The following ZNF141 variants were observed in gnomAD, a reference collection of about 807,000 sequenced individuals.
ZNF141 encodes zinc finger protein 141 (clone pHZ-44).
ZNF141 carries 7 observed loss-of-function variants against 11.3 expected under a neutral mutation model. That is an observed-to-expected ratio of 0.62 (90% CI 0.35 to 1.16). ZNF141 has a LOEUF of 1.16. Among genes scored for constraint, ZNF141 ranks in the 50% most tolerant of loss-of-function variants. The pLI, the probability that ZNF141 is intolerant of heterozygous loss-of-function variation, is 0.02. For synonymous variants in ZNF141, 183 were observed against 190.7 expected, an observed-to-expected ratio of 0.96 and a Z score of 0.33; for missense variants, 535 against 554.0, an observed-to-expected ratio of 0.97 and a Z score of 0.34.
intron 3 of ZNF141, 52 bp from the exon 4 acceptor site, chr4:372,612 T>A (rs184679082): frequency 7.3e-7 from 1 of 1,373,300 alleles, no homozygotes; most frequent in Non-Finnish European, 9.8e-7. Flanking sequence ...TTGTAAAGTA[T>A]ATTTATATGA....
At chr4:343,124 G>T (rs957811368) in intron 1 of ZNF141, among the ~76,000 whole-genome samples, 1 of 152,090 alleles carries the variant, frequency 6.6e-6, no homozygotes, top group Non-Finnish European at 1.5e-5. Flanking sequence ...TCAGTTCCTT[G>T]CATGATTCTA....
At position 378,586 on chromosome 4, in the gene ZNF141, G is replaced by T. The variant is rs576239464; in HGVS notation, c.*4724G>T. 1.3e-5 allele frequency among the ~76,000 whole-genome samples: 2 copies of T among 152,196 alleles called. No individual in the cohort carries two copies. Among genetic ancestry groups the T allele is most frequent in the South Asian group, 4.2e-4 (2 of 4,818 alleles). On this transcript the variant is annotated 3_prime_UTR_variant, in exon 4 of 4. Transcript: ENST00000240499. Reference sequence around the variant, plus strand: ...CCTGGCCAGAATATTATATCTTTGAGTGTGAATGTTAAATGGTGGAAAAAC... The same window carrying T: ...CCTGGCCAGAATATTATATCTTTGATTGTGAATGTTAAATGGTGGAAAAAC...
Position 382,167 on chromosome 4 carries a change from T to C in ZNF141, c.*8305T>C, listed in dbSNP as rs1371339790. Among the ~76,000 whole-genome samples the C allele has an allele frequency of 6.6e-6, 1 of 151,834 alleles. No homozygotes were observed. The highest frequency in any genetic ancestry group is 2.4e-5 in the African/African-American group (1 of 41,308). On this transcript the variant is annotated 3_prime_UTR_variant, in exon 4 of 4. Transcript: ENST00000240499. ...TTCACCATGTTAGCCAACAAGGTCT[T>C]GATTTCCTGACCTCGTGATCCGCCT...
chr4:373,497 C>G lies in ZNF141; in HGVS notation c.1060C>G (p.Leu354Val), dbSNP rs782278403. 2.5e-6 allele frequency: 4 copies of G among 1,613,726 alleles called. No individual in the cohort carries two copies. The highest frequency in any genetic ancestry group is 1.3e-5 in the African/African-American group (1 of 74,852). ...CGKAFRQSSK[L>V]NEHKKVHTGE... The stretch of plus-strand genomic sequence containing the variant: ...CAAAGCTTTTAGACAGTCCTCAAAA[C>G]TGAATGAACATAAGAAAGTTCATAC... Residue 354 changes from leucine (L) to valine (V), a missense_variant, in exon 4 of 4, where the codon CTG (leucine) becomes GTG (valine). Physicochemically the swap from Leu to Val is conservative, Grantham distance 32. Coordinates refer to ENST00000240499, the MANE Select transcript of ZNF141 (RefSeq NM_003441.4).
At position 351,358 on chromosome 4, in the gene ZNF141, C is replaced by T. The variant is rs144923226; in HGVS notation, c.226+6928C>T. Among the ~76,000 whole-genome samples the T allele has an allele frequency of 5.9e-3, 894 of 151,806 alleles. 14 individuals are homozygous for T. In the South Asian group the frequency reaches 0.062, roughly 11 times the overall value. Reference sequence around the variant, plus strand: ...AACTTATTCTCCTGCCTCAGCCTCCCGAGTAGCTGGGACTACAGGTGCCTG... The same window carrying T: ...AACTTATTCTCCTGCCTCAGCCTCCTGAGTAGCTGGGACTACAGGTGCCTG... On this transcript the variant is annotated intron_variant, in intron 3 of 3. Transcript: ENST00000240499.
intron 3 of ZNF141, among the ~76,000 whole-genome samples, chr4:349,944 TC>T (rs1201370183): frequency 6.6e-6 from 1 of 152,174 alleles, no homozygotes; most frequent in Non-Finnish European, 1.5e-5. Context: ...TCTCTTTGGG[TC>T]CCTGATTGTG....
At position 373,428 on chromosome 4, in the gene ZNF141, A is replaced by G. The variant is rs782112406; in HGVS notation, c.991A>G (p.Arg331Gly). ...NRSTTLTKHKRIHTGEKPYTC... is the reference protein window; with the variant it reads ...NRSTTLTKHKGIHTGEKPYTC... ...GTCCACAACCCTTACTAAACATAAG[A>G]GAATTCATACTGGAGAGAAACCCTA... Residue 331 changes from arginine to glycine, a missense_variant, in exon 4 of 4, where the codon AGA becomes GGA. By Grantham distance (125) the Arg-to-Gly change is moderately radical (BLOSUM62 -2). Transcript: ENST00000240499. The G allele has an allele frequency of 8.7e-6, 14 of 1,613,808 alleles. No individual in the cohort carries two copies. Among genetic ancestry groups the G allele is most frequent in the Non-Finnish European group, 1.2e-5 (14 of 1,179,958 alleles).
At position 384,303 on chromosome 4, in the gene ZNF141, T is replaced by A. The variant is rs1553856117; in HGVS notation, c.*10441T>A. ...CTCTTCCTGTGGACCCATCATTCCT[T>A]GTTTACCATCTGATATTTGAAAAGA... On this transcript the variant is annotated 3_prime_UTR_variant, in exon 4 of 4. Coordinates refer to ENST00000240499, the MANE Select transcript of ZNF141 (RefSeq NM_003441.4). 6.6e-6 allele frequency: 1 copy of A among 152,264 alleles called. No individual in the cohort carries two copies. Among genetic ancestry groups the A allele is most frequent in the Non-Finnish European group, 1.5e-5 (1 of 68,086 alleles). The allele number at this position is 152,264 out of a possible 1,614,324, so 9.4% of individuals were successfully genotyped here.
chr4:351,198 C>T (rs1055592130), intron 3 of ZNF141, among the ~76,000 whole-genome samples: 58 of 151,610 alleles, frequency 3.8e-4, no homozygotes, highest in African/African-American at 1.2e-3. Flanking sequence ...AGCTGCTGTG[C>T]TTCCTGTACA....
At position 376,247 on chromosome 4, in the gene ZNF141, G is replaced by T. The variant is rs1712359335; in HGVS notation, c.*2385G>T. Among the ~76,000 whole-genome samples, 1 of 151,978 alleles carries T rather than the reference G, an allele frequency of 6.6e-6. No homozygotes were observed. Among genetic ancestry groups the T allele is most frequent in the South Asian group, 2.1e-4 (1 of 4,830 alleles). Reference sequence around the variant, plus strand: ...ACATTTTTAGTATTCTCTTTTTCCAGTGGCTTTAAATAGCAAATACATTGA... The same window carrying T: ...ACATTTTTAGTATTCTCTTTTTCCATTGGCTTTAAATAGCAAATACATTGA... On this transcript the variant is annotated 3_prime_UTR_variant, in exon 4 of 4. Coordinates refer to ENST00000240499, the MANE Select transcript of ZNF141 (RefSeq NM_003441.4).
rs1712407225 is a variant in ZNF141 at position 377,091 on chromosome 4, TTTG to T, written c.*3235_*3237del. 6.6e-6 allele frequency among the ~76,000 whole-genome samples: 1 copy of T among 152,194 alleles called. No individual in the cohort carries two copies. Among genetic ancestry groups the T allele is most frequent in the Non-Finnish European group, 1.5e-5 (1 of 68,020 alleles). On this transcript the variant is annotated 3_prime_UTR_variant, in exon 4 of 4. Coordinates refer to ENST00000240499, the MANE Select transcript of ZNF141 (RefSeq NM_003441.4). Reference sequence around the variant, plus strand: ...AGTTATTTTAGTTAGAACATTTCATTTTGTTGTTTTAATTTAAGAACCCTATAT... The same window carrying T: ...AGTTATTTTAGTTAGAACATTTCATTTTGTTTTAATTTAAGAACCCTATAT...
At chr4:343,980 C>T in intron 2 of ZNF141, 72 bp downstream of exon 2, 1 of 1,545,920 alleles carries the variant, frequency 6.5e-7, no homozygotes, top group Non-Finnish European at 8.7e-7. Context: ...AGAATTTCTC[C>T]TGGGAACTTT....
At chr4:345,261 G>A (rs1402632973) in intron 3 of ZNF141, among the ~76,000 whole-genome samples, 2 of 151,866 alleles carry the variant, frequency 1.3e-5, no homozygotes, top group Non-Finnish European at 2.9e-5. Flanking sequence ...TTCTTACTTA[G>A]CAATTTTATC....
rs1712606383 is a variant in ZNF141, at chr4:381,376, T to C, written c.*7514T>C. ...AACTAAGAAAGAACCAAAAAGTTAC[T>C]ATTTAATACAGACTTCAAATGTGCT... On this transcript the variant is annotated 3_prime_UTR_variant, in exon 4 of 4. Coordinates refer to ENST00000240499, the MANE Select transcript of ZNF141 (RefSeq NM_003441.4). 1.3e-5 allele frequency among the ~76,000 whole-genome samples: 2 copies of C among 150,586 alleles called. No homozygotes were observed.
intron 3 of ZNF141, among the ~76,000 whole-genome samples, chr4:346,893 A>ACCCCCCCCCCC (rs781896435): frequency 7.4e-5 from 10 of 135,418 alleles, no homozygotes; most frequent in Non-Finnish European, 1.2e-4. Context: ...ACACACACAC[A>ACCCCCCCCCCC]CCGCCCCCCC....
chr4:364,218 G>A (rs539367232), intron 3 of ZNF141, among the ~76,000 whole-genome samples: 1 of 152,272 alleles, frequency 6.6e-6, no homozygotes, highest in Admixed American at 6.5e-5. Flanking sequence ...AATGAGTTAG[G>A]GAGGAGTCCC....
chr4:373,824 T>G lies in ZNF141; in HGVS notation c.1387T>G (p.Phe463Val), dbSNP rs782765975. 1 of 1,610,358 alleles carries G rather than the reference T, an allele frequency of 6.2e-7. No individual in the cohort carries two copies. The highest frequency in any genetic ancestry group is 2.2e-5 in the East Asian group (1 of 44,834). ...AGATTGTGACAAAGCCTTTAAACGG[T>G]TCTCACACCTGAATAAACATAAGAA... ...CKDCDKAFKR[F>V]SHLNKHKKIH... The change falls in exon 4 of 4, where the codon TTC (phenylalanine) becomes GTC (valine). Residue 463 changes from phenylalanine to valine, a missense_variant. Coordinates refer to ENST00000240499, the MANE Select transcript of ZNF141 (RefSeq NM_003441.4).
Position 372,979 on chromosome 4 carries a change from A to G in ZNF141, c.542A>G (p.Gln181Arg). Residue 181 changes from glutamine (Q) to arginine (R), a missense_variant, in exon 4 of 4, where the codon CAG becomes CGG. By Grantham distance (43) the Gln-to-Arg change is conservative. Coordinates refer to ENST00000240499, the MANE Select transcript of ZNF141 (RefSeq NM_003441.4). ...TTTAAAGAATGTGGCAAATCATTTC[A>G]GAAGTTTTCACACCTAACTCAACAT... The part of the protein sequence containing the change: ...KHFKECGKSF[Q>R]KFSHLTQHKV... 4 of 1,614,120 alleles carry G rather than the reference A, an allele frequency of 2.5e-6. No homozygotes were observed. Among genetic ancestry groups the G allele is most frequent in the Non-Finnish European group, 2.5e-6 (3 of 1,179,980 alleles).
At chr4:356,247 G>T (rs906678519) in intron 3 of ZNF141, among the ~76,000 whole-genome samples, 1 of 143,310 alleles carries the variant, frequency 7.0e-6, no homozygotes, top group Non-Finnish European at 1.5e-5. Flanking sequence ...AAAAAAAAAA[G>T]AATAATACTA....
Sources: gnomAD v4.1 joint callset for allele counts (sites outside exome capture counted in the v4.1 genomes callset) on GRCh38, gnomAD v4.1.1 for gene constraint, MANE v1.5 for transcripts, NCBI Gene and HGNC (gene_info 2026-07-23, HGNC 2026-07-21) for gene names.